Variants in PCDHGA1 observed in about 807,000 individuals in gnomAD.
The protein encoded by PCDHGA1 is protocadherin gamma subfamily A, 1, also known as protocadherin gamma-A1.
A neutral mutation model predicts 58.0 loss-of-function variants in PCDHGA1; 32 were observed. The observed-to-expected ratio is 0.55, with a 90% confidence interval of 0.42 to 0.74. PCDHGA1 has a LOEUF of 0.74. Ranked by LOEUF, PCDHGA1 falls within the 30% of genes least tolerant of loss-of-function variation. The pLI, the probability that PCDHGA1 is intolerant of heterozygous loss-of-function variation, is 0.00. For missense variants in PCDHGA1, 1,205 were observed against 1,182.3 expected (o/e 1.02, Z -0.28); for synonymous variants, 498 against 501.1 (o/e 0.99, Z 0.08).
At chr5:141,502,288 G>C (rs2099813700) in intron 2 of PCDHGA1, among the ~76,000 whole-genome samples, 1 of 151,338 alleles carries the variant, frequency 6.6e-6, no homozygotes, top group African/African-American at 2.5e-5. Flanking sequence ...ATTGCATTTG[G>C]TTGTCACGTC....
intron 1 of PCDHGA1, among the ~76,000 whole-genome samples, chr5:141,469,162 G>A (rs2099192596): frequency 6.6e-6 from 1 of 152,062 alleles, no homozygotes; most frequent in Admixed American, 6.6e-5. Flanking sequence ...TGTAGTCCCA[G>A]CTACTTGGGA....
chr5:141,355,515 C>G (rs759193676), intron 1 of PCDHGA1: 1 of 1,614,008 alleles, frequency 6.2e-7, no homozygotes. Flanking sequence ...GTGTGACAAA[C>G]CTGGAGATTC....
Position 141,431,939 on chromosome 5 carries a change from T to A in PCDHGA1, c.2422-62868T>A, listed in dbSNP as rs1377573207. The A allele has an allele frequency of 2.2e-5, 35 of 1,613,996 alleles. No individual in the cohort carries two copies. The highest frequency in any genetic ancestry group is 2.9e-5 in the Non-Finnish European group (34 of 1,180,000). On this transcript the variant is annotated intron_variant, in intron 1 of 3. Coordinates refer to ENST00000517417, the MANE Select transcript of PCDHGA1 (RefSeq NM_018912.3). This position sits in a 1 kb window ranked among gnomAD's most constrained non-coding sequence, Gnocchi z 4.8. ...CATCCAAGGAAATCTGCCCTTTAAA[T>A]TAGAAAAATCTTACGGAAATTACTA...
chr5:141,405,431 T>TGTTTTTGA (rs1428153443), intron 1 of PCDHGA1: 4 of 1,490,528 alleles, frequency 2.7e-6, no homozygotes, highest in Non-Finnish European at 2.7e-6. Flanking sequence ...TGTTTTGTTT[T>TGTTTTTGA]GTTTTTGAGA....
At chr5:141,404,153 T>G in intron 1 of PCDHGA1, 1 of 1,613,010 alleles carries the variant, frequency 6.2e-7, no homozygotes, top group Non-Finnish European at 8.5e-7. Context: ...AGAAGAAGAT[T>G]ATTACAGATT....
At position 141,340,316 on chromosome 5, in the gene PCDHGA1, G is replaced by A. The variant is rs770680401; in HGVS notation, c.2421+7211G>A. 5 of 1,614,034 alleles carry A rather than the reference G, an allele frequency of 3.1e-6. No homozygotes were observed. The South Asian group carries it at 5.5e-5, about 18-fold the overall frequency. On this transcript the variant is annotated intron_variant, in intron 1 of 3. Coordinates refer to ENST00000517417, the MANE Select transcript of PCDHGA1 (RefSeq NM_018912.3). ...CCAGGTGGCAGACATCAACGACAAC[G>A]CACCCGCCTTCTCCCGCACATCCTA...
chr5:141,413,235 C>A, intron 1 of PCDHGA1: 1 of 1,613,954 alleles, frequency 6.2e-7, no homozygotes, highest in Non-Finnish European at 8.5e-7. Context: ...TGGTCCTGCT[C>A]TGCCTTTTCT....
intron 1 of PCDHGA1, chr5:141,352,660 G>T: frequency 6.3e-7 from 1 of 1,591,126 alleles, no homozygotes; most frequent in Non-Finnish European, 8.6e-7. Context: ...ACCCTTCTTT[G>T]TCTTCGCACG....
intron 1 of PCDHGA1, chr5:141,389,352 AT>A (rs1561624660): frequency 6.2e-7 from 1 of 1,613,628 alleles, no homozygotes; most frequent in African/African-American, 1.3e-5. Context: ...TTACTGCATC[AT>A]GGCCAGTGAC....
At chr5:141,409,524 A>AT (rs1357085904) in intron 1 of PCDHGA1, 9 of 1,613,854 alleles carry the variant, frequency 5.6e-6, no homozygotes, top group Non-Finnish European at 6.8e-6. Context: ...ATCACCTTGT[A>AT]TGTCGCTGAC....
intron 1 of PCDHGA1, chr5:141,418,952 G>T: frequency 1.9e-6 from 3 of 1,614,050 alleles, no homozygotes; most frequent in Non-Finnish European, 2.5e-6. Context: ...TCCAGGAGTG[G>T]TTGTTGCCCT....
intron 1 of PCDHGA1, chr5:141,393,501 G>C (rs754946327): frequency 1.9e-6 from 3 of 1,614,044 alleles, no homozygotes; most frequent in Non-Finnish European, 2.5e-6. Flanking sequence ...GCGCATCCAC[G>C]TGACAGTGTT....
intron 1 of PCDHGA1, chr5:141,415,056 G>A (rs1367441891): frequency 1.2e-6 from 2 of 1,613,416 alleles, no homozygotes; most frequent in East Asian, 2.2e-5. Context: ...GGGAGCACAC[G>A]GGCGAGGTGC....
At chr5:141,420,259 G>A (rs775335307) in intron 1 of PCDHGA1, 8 of 1,564,678 alleles carry the variant, frequency 5.1e-6, no homozygotes, top group Non-Finnish European at 6.9e-6. Context: ...AAGCAGATAA[G>A]AAGATTCTTA....
intron 1 of PCDHGA1, chr5:141,357,255 C>A: frequency 6.2e-7 from 1 of 1,613,736 alleles, no homozygotes; most frequent in Non-Finnish European, 8.5e-7. Flanking sequence ...CAGACCCAGA[C>A]GACTCGGGCC....
intron 1 of PCDHGA1, chr5:141,344,905 T>G (rs766713915): frequency 6.2e-7 from 1 of 1,613,780 alleles, no homozygotes; most frequent in Non-Finnish European, 8.5e-7. Context: ...ATCGCTGAGA[T>G]TTTCCATCTT....
intron 1 of PCDHGA1, chr5:141,394,258 A>T: frequency 6.2e-7 from 1 of 1,613,912 alleles, no homozygotes; most frequent in Non-Finnish European, 8.5e-7. Context: ...CCCGACAGCC[A>T]GGAGAATGCC....
At chr5:141,346,139 C>A (rs532424097) in intron 1 of PCDHGA1, 1 of 1,613,984 alleles carries the variant, frequency 6.2e-7, no homozygotes, top group South Asian at 1.1e-5. Flanking sequence ...CGGTCTCCTG[C>A]GTCTTCCTGG....
At position 141,490,376 on chromosome 5, in the gene PCDHGA1, CA is replaced by C; in HGVS notation, c.2422-4430del. 1 of 1,614,184 alleles carries C rather than the reference CA, an allele frequency of 6.2e-7. No individual in the cohort carries two copies. Among genetic ancestry groups the C allele is most frequent in the African/African-American group, 1.3e-5 (1 of 75,030 alleles). On this transcript the variant is annotated intron_variant, in intron 1 of 3. Coordinates refer to ENST00000517417, the MANE Select transcript of PCDHGA1 (RefSeq NM_018912.3). This position sits in a 1 kb window ranked among gnomAD's most constrained non-coding sequence, Gnocchi z 5.4. ...TTGTTTAATGTGCGAGACCGGGACTCAGGTAGAAATGGTGAAGTGAGCCTTG... is the reference window on the plus strand; with the variant it reads ...TTGTTTAATGTGCGAGACCGGGACTCGGTAGAAATGGTGAAGTGAGCCTTG...
Sources: allele counts gnomAD v4.1 joint callset (sites outside exome capture counted in the v4.1 genomes callset), GRCh38; gene constraint gnomAD v4.1.1; non-coding constraint Gnocchi (gnomAD v3.1); transcripts MANE v1.5; gene names NCBI Gene and HGNC (gene_info 2026-07-23, HGNC 2026-07-21).